FAF1: variants seen among roughly 807,000 people sequenced by gnomAD.
FAF1 encodes the protein Fas associated factor 1.
Under a neutral mutation model 92.5 loss-of-function variants are expected in FAF1, and 25 were observed. That is an observed-to-expected ratio of 0.27 (90% CI 0.20 to 0.38). The LOEUF is 0.38. Ranked by LOEUF, FAF1 falls within the 10% of genes least tolerant of loss-of-function variation. The pLI is 1.00. For missense variants in FAF1, 636 were observed against 793.3 expected, an observed-to-expected ratio of 0.80 and a Z score of 2.38; for synonymous variants, 234 against 273.2, an observed-to-expected ratio of 0.86 and a Z score of 1.42.
At chr1:50,699,877 A>T (rs1657392108) in intron 7 of FAF1, among the ~76,000 whole-genome samples, 1 of 152,186 alleles carries the variant, frequency 6.6e-6, no homozygotes, top group Non-Finnish European at 1.5e-5. Flanking sequence ...TCCTAAACAG[A>T]CACAGTCTTG....
intron 2 of FAF1, among the ~76,000 whole-genome samples, chr1:50,830,055 G>A (rs1040122964): frequency 2.0e-5 from 3 of 152,186 alleles, no homozygotes; most frequent in Non-Finnish European, 4.4e-5. Context: ...AACACAGTAT[G>A]TCTAACTCTC....
intron 1 of FAF1, among the ~76,000 whole-genome samples, chr1:50,878,951 G>C (rs1644590794): frequency 6.6e-6 from 1 of 152,144 alleles, no homozygotes; most frequent in African/African-American, 2.4e-5. Context: ...GAAAGCATAA[G>C]TGAATCAGAT....
At chr1:50,738,506 G>A (rs1164332685) in intron 6 of FAF1, among the ~76,000 whole-genome samples, 1 of 150,550 alleles carries the variant, frequency 6.6e-6, no homozygotes, top group African/African-American at 2.4e-5. Flanking sequence ...AGAGCTCAAT[G>A]AATTTTCCTC....
At chr1:50,855,750 T>C (rs1644386287) in intron 2 of FAF1, among the ~76,000 whole-genome samples, 1 of 151,864 alleles carries the variant, frequency 6.6e-6, no homozygotes, top group African/African-American at 2.4e-5. Flanking sequence ...AAATCTTTAC[T>C]GTGAATAAAA....
intron 4 of FAF1, among the ~76,000 whole-genome samples, chr1:50,769,024 T>C (rs933361780): frequency 6.6e-6 from 1 of 150,764 alleles, no homozygotes; most frequent in Non-Finnish European, 1.5e-5. Context: ...AGAATATGAC[T>C]GATAGACTAC....
chr1:50,520,137 T>C (rs1357534290), intron 15 of FAF1, among the ~76,000 whole-genome samples: 2 of 152,182 alleles, frequency 1.3e-5, no homozygotes, highest in African/African-American at 2.4e-5. Context: ...CCTTAAGAAG[T>C]CTTGTTTGTG....
intron 1 of FAF1, among the ~76,000 whole-genome samples, chr1:50,913,458 A>C (rs760233075): frequency 2.6e-5 from 4 of 152,202 alleles, no homozygotes; most frequent in Non-Finnish European, 4.4e-5. Context: ...TAAAGCCACA[A>C]CACCAAAGGG....
At position 50,672,331 on chromosome 1, in the gene FAF1, G is replaced by A. The variant is rs560387939; in HGVS notation, c.658-16803C>T. On this transcript the variant is annotated intron_variant, in intron 7 of 18. Transcript: ENST00000396153. ...GCTGGGATTACAGGCGTGAGCCACCGCGCCCCAGCCAGTTTTGTTTTGTTT... is the reference window on the plus strand; with the variant it reads ...GCTGGGATTACAGGCGTGAGCCACCACGCCCCAGCCAGTTTTGTTTTGTTT... Among the ~76,000 whole-genome samples the A allele has an allele frequency of 9.2e-5, 14 of 152,258 alleles. No homozygotes were observed. In the South Asian group the frequency reaches 2.3e-3, roughly 25 times the overall value.
chr1:50,610,658 A>C (rs1652644217), intron 8 of FAF1, among the ~76,000 whole-genome samples: 2 of 152,154 alleles, frequency 1.3e-5, no homozygotes, highest in Admixed American at 6.5e-5. Context: ...TGAGATAATT[A>C]CTGCTGACAG....
chr1:50,501,277 C>T (rs999922304), intron 15 of FAF1, among the ~76,000 whole-genome samples: 9 of 152,104 alleles, frequency 5.9e-5, no homozygotes, highest in South Asian at 2.1e-4. Context: ...ATAAGCATGT[C>T]GAAAAATAAA....
Position 50,452,735 on chromosome 1 carries a change from G to A in FAF1, c.1870-11212C>T, listed in dbSNP as rs965164008. 3.8e-4 allele frequency among the ~76,000 whole-genome samples: 58 copies of A among 152,202 alleles called. 1 individual carries two copies. Among genetic ancestry groups the A allele is most frequent in the Admixed American group, 3.7e-3 (56 of 15,278 alleles). ...GAGATCCTGATTATTGTTAGCCTCA[G>A]AGTTTCACTAGTAGGCATGGATTAA... On this transcript the variant is annotated intron_variant, in intron 18 of 18. Transcript: ENST00000396153.
At chr1:50,505,397 A>G (rs1647047184) in intron 15 of FAF1, among the ~76,000 whole-genome samples, 1 of 152,204 alleles carries the variant, frequency 6.6e-6, no homozygotes, top group African/African-American at 2.4e-5. Flanking sequence ...GTTATGTGGT[A>G]TATCCAGCTA....
At chr1:50,911,561 G>C (rs1644885962) in intron 1 of FAF1, among the ~76,000 whole-genome samples, 1 of 151,484 alleles carries the variant, frequency 6.6e-6, no homozygotes, top group Admixed American at 6.6e-5. Context: ...ACCAAGCCTG[G>C]TGGCACCTGC....
intron 1 of FAF1, among the ~76,000 whole-genome samples, chr1:50,927,305 G>A (rs535676264): frequency 6.6e-6 from 1 of 152,252 alleles, no homozygotes; most frequent in South Asian, 2.1e-4. Context: ...TGGGGACCAA[G>A]CGTGGTGGCT....
At chr1:50,619,348 AGT>A (rs1225325328) in intron 8 of FAF1, among the ~76,000 whole-genome samples, 1 of 152,166 alleles carries the variant, frequency 6.6e-6, no homozygotes, top group Non-Finnish European at 1.5e-5. Flanking sequence ...TATGTGCTTA[AGT>A]GTGTGTTTGT....
intron 17 of FAF1, among the ~76,000 whole-genome samples, chr1:50,485,188 T>C (rs1011298832): frequency 2.0e-5 from 3 of 151,922 alleles, no homozygotes; most frequent in Admixed American, 1.3e-4. Context: ...CTTGAACTCC[T>C]AGGCTCAACT....
intron 13 of FAF1, among the ~76,000 whole-genome samples, chr1:50,562,295 C>T (rs1649955584): frequency 6.6e-6 from 1 of 152,186 alleles, no homozygotes; most frequent in African/African-American, 2.4e-5. Context: ...ATTAACAAAA[C>T]ATCTTCTTTG....
chr1:50,465,907 A>T (rs571355608), intron 18 of FAF1, among the ~76,000 whole-genome samples: 1 of 152,314 alleles, frequency 6.6e-6, no homozygotes, highest in South Asian at 2.1e-4. Context: ...AAAGATGCCA[A>T]GGTAAATGGA....
intron 8 of FAF1, among the ~76,000 whole-genome samples, chr1:50,601,829 T>C (rs1308448482): frequency 6.6e-6 from 1 of 152,038 alleles, no homozygotes; most frequent in African/African-American, 2.4e-5. Context: ...TTCTTCAAAG[T>C]ATTTTTTATT....
Sources: gnomAD v4.1 joint callset for allele counts (sites outside exome capture counted in the v4.1 genomes callset) on GRCh38, gnomAD v4.1.1 for gene constraint, MANE v1.5 for transcripts, NCBI Gene and HGNC (gene_info 2026-07-23, HGNC 2026-07-21) for gene names.